POT1: variants seen among roughly 807,000 people sequenced by gnomAD.
The protein encoded by POT1 is protection of telomeres protein 1.
In POT1, 47 loss-of-function variants were observed where a neutral mutation model predicts 78.5. That is an observed-to-expected ratio of 0.60 (90% CI 0.47 to 0.76). POT1 has a LOEUF of 0.76. POT1 is among the 30% of genes least tolerant of loss of function. The pLI is 0.00. For synonymous variants in POT1, 259 were observed against 260.7 expected, an observed-to-expected ratio of 0.99 and a Z score of 0.06; for missense variants, 646 against 749.9, an observed-to-expected ratio of 0.86 and a Z score of 1.62.
chr7:124,880,862 CAT>C (rs1431529909), intron 6 of POT1, among the ~76,000 whole-genome samples: 1 of 152,040 alleles, frequency 6.6e-6, no homozygotes, highest in Non-Finnish European at 1.5e-5. Context: ...GCCTTGGCTA[CAT>C]ACACACACAC....
chr7:124,918,233 A>G (rs1012694194), intron 2 of POT1, among the ~76,000 whole-genome samples: 1 of 152,182 alleles, frequency 6.6e-6, no homozygotes, highest in Non-Finnish European at 1.5e-5. Context: ...ACCAGACCAA[A>G]CTAAATTACC....
chr7:124,873,741 C>A (rs1188237414), intron 6 of POT1, among the ~76,000 whole-genome samples: 1 of 152,140 alleles, frequency 6.6e-6, no homozygotes, highest in Non-Finnish European at 1.5e-5. Flanking sequence ...AATGCATTGA[C>A]TTTCTGTCCT....
rs144078026 is a variant in POT1, at chr7:124,843,906, G to A, written c.1007-943C>T. 6.4e-3 allele frequency among the ~76,000 whole-genome samples: 972 copies of A among 152,186 alleles called. 13 individuals carry two copies. Among genetic ancestry groups the A allele is most frequent in the African/African-American group, 0.022 (902 of 41,514 alleles). Reference sequence around the variant, plus strand: ...AGAAGGACAGAAGTTTACCAACAAGGCTCTCTGTATCACTTAATTAGATAT... The same window carrying A: ...AGAAGGACAGAAGTTTACCAACAAGACTCTCTGTATCACTTAATTAGATAT... On this transcript the variant is annotated intron_variant, in intron 12 of 18. Coordinates refer to ENST00000357628, the MANE Select transcript of POT1 (RefSeq NM_015450.3).
intron 9 of POT1, among the ~76,000 whole-genome samples, chr7:124,854,077 T>C (rs79123763): frequency 0.02 from 3,097 of 151,982 alleles, 96 homozygotes; most frequent in African/African-American, 0.069. Context: ...ACAGACATCT[T>C]ACATAACAAA....
At chr7:124,909,680 G>C (rs1322812333) in intron 3 of POT1, among the ~76,000 whole-genome samples, 33 of 151,854 alleles carry the variant, frequency 2.2e-4, no homozygotes, top group Admixed American at 2.0e-3. Context: ...AACTAGTGTA[G>C]TTCTATTCTA....
chr7:124,920,208 G>A (rs1341402722), intron 2 of POT1, among the ~76,000 whole-genome samples: 2 of 151,820 alleles, frequency 1.3e-5, no homozygotes, highest in Non-Finnish European at 2.9e-5. Context: ...TCCTACACTG[G>A]GCAATGGATA....
intron 3 of POT1, among the ~76,000 whole-genome samples, chr7:124,909,741 C>T (rs1283740599): frequency 6.6e-6 from 1 of 151,852 alleles, no homozygotes; most frequent in Non-Finnish European, 1.5e-5. Flanking sequence ...AAACACTTCA[C>T]ATGTCAGGTA....
intron 7 of POT1, among the ~76,000 whole-genome samples, chr7:124,868,089 C>A (rs1206024635): frequency 6.6e-6 from 1 of 151,968 alleles, no homozygotes; most frequent in Non-Finnish European, 1.5e-5. Flanking sequence ...GATCTTGACT[C>A]TTGTTTTAAT....
At chr7:124,904,713 T>G (rs1293843093) in intron 3 of POT1, among the ~76,000 whole-genome samples, 1 of 152,168 alleles carries the variant, frequency 6.6e-6, no homozygotes, top group African/African-American at 2.4e-5. Context: ...ATTGTCCCTG[T>G]TTGCAGATGA....
intron 6 of POT1, among the ~76,000 whole-genome samples, chr7:124,883,862 TC>T (rs1232017675): frequency 1.3e-5 from 2 of 151,698 alleles, no homozygotes; most frequent in African/African-American, 4.8e-5. Flanking sequence ...TAATTTTACA[TC>T]ATACTAGATT....
chr7:124,903,330 A>C (rs1796672750), intron 3 of POT1, among the ~76,000 whole-genome samples: 1 of 152,252 alleles, frequency 6.6e-6, no homozygotes, highest in Admixed American at 6.5e-5. Flanking sequence ...TGTCTTTCAG[A>C]CCACAGTGTA....
chr7:124,873,264 C>T (rs1243519646), intron 6 of POT1, among the ~76,000 whole-genome samples: 2 of 152,110 alleles, frequency 1.3e-5, no homozygotes, highest in African/African-American at 4.8e-5. Context: ...CCTATGTTTT[C>T]TTCTAGTAGG....
intron 16 of POT1, among the ~76,000 whole-genome samples, chr7:124,827,529 T>C (rs1794661320): frequency 6.6e-6 from 1 of 152,130 alleles, no homozygotes; most frequent in Admixed American, 6.5e-5. Context: ...GGTGTGTGGG[T>C]GAAAACCCCT....
Position 124,919,824 on chromosome 7 carries a change from CTG to C in POT1, c.-226-4180_-226-4179del, listed in dbSNP as rs1363750851. Among the ~76,000 whole-genome samples, 10 of 152,222 alleles carry C rather than the reference CTG, an allele frequency of 6.6e-5. No individual in the cohort carries two copies. In the South Asian group the frequency reaches 2.1e-3, roughly 32 times the overall value. On this transcript the variant is annotated intron_variant, in intron 2 of 18. Coordinates refer to ENST00000357628, the MANE Select transcript of POT1 (RefSeq NM_015450.3). Reference sequence around the variant, plus strand: ...CAAACTAATATACCCTCTTTAAAAACTGGGGATTTTCTAAGCTCAGTGCCCCT... The same window carrying C: ...CAAACTAATATACCCTCTTTAAAAACGGGATTTTCTAAGCTCAGTGCCCCT...
intron 6 of POT1, among the ~76,000 whole-genome samples, chr7:124,878,854 G>A (rs976944516): frequency 6.6e-6 from 1 of 151,978 alleles, no homozygotes; most frequent in East Asian, 1.9e-4. Context: ...GGTTACAGAA[G>A]AGAATATAAA....
rs772980084 is a variant in POT1, at chr7:124,828,959, G to C, written c.1594+295C>G. The C allele has an allele frequency of 8.0e-6, 5 of 628,702 alleles. No homozygotes were observed. In the African/African-American group the frequency reaches 8.9e-5, roughly 11 times the overall value. 38.9% of individuals were successfully genotyped at this position (628,702 alleles called of 1,614,324 possible). On this transcript the variant is annotated intron_variant, in intron 16 of 18. Coordinates refer to ENST00000357628, the MANE Select transcript of POT1 (RefSeq NM_015450.3). Reference sequence around the variant, plus strand: ...AACAACATCTGCAGCACAATGTCCAGCTCTGAATGCCAAATTCTGAGAAAA... The same window carrying C: ...AACAACATCTGCAGCACAATGTCCACCTCTGAATGCCAAATTCTGAGAAAA...
chr7:124,898,780 T>C (rs1390683854), intron 3 of POT1, among the ~76,000 whole-genome samples: 1 of 152,084 alleles, frequency 6.6e-6, no homozygotes, highest in African/African-American at 2.4e-5. Flanking sequence ...ACAAAACTAA[T>C]ATATGTGCAT....
At chr7:124,833,542 G>T (rs2116438086) in intron 15 of POT1, among the ~76,000 whole-genome samples, 1 of 152,302 alleles carries the variant, frequency 6.6e-6, no homozygotes, top group Non-Finnish European at 1.5e-5. Flanking sequence ...TCTAAATGTA[G>T]AAATCTGTTT....
chr7:124,824,805 AAAC>A (rs1487359962), intron 18 of POT1, among the ~76,000 whole-genome samples: 4 of 152,142 alleles, frequency 2.6e-5, no homozygotes, highest in Admixed American at 6.5e-5. Flanking sequence ...TTTATGCAGA[AAAC>A]AAAGCTCACA....
Sources: allele counts gnomAD v4.1 joint callset (sites outside exome capture counted in the v4.1 genomes callset), GRCh38; gene constraint gnomAD v4.1.1; transcripts MANE v1.5; gene names NCBI Gene and HGNC (gene_info 2026-07-23, HGNC 2026-07-21).